Variants in SLC5A10 observed in about 807,000 individuals in gnomAD.
SLC5A10 encodes sodium/mannose cotransporter SLC5A10.
In SLC5A10, 55 loss-of-function variants were observed where a neutral mutation model predicts 68.9. The ratio of observed to expected loss-of-function variants is 0.80; its 90% CI spans 0.64 to 1.00. SLC5A10 has a LOEUF of 1.00. SLC5A10 is among the 50% of genes least tolerant of loss of function. SLC5A10 has a pLI of 0.00. For missense variants in SLC5A10, 732 were observed against 819.3 expected, an observed-to-expected ratio of 0.89 and a Z score of 1.30; for synonymous variants, 344 against 344.8, an observed-to-expected ratio of 1.00 and a Z score of 0.02.
At chr17:18,978,833 G>C in intron 9 of SLC5A10, 1 of 1,612,076 alleles carries the variant, frequency 6.2e-7, no homozygotes, top group Non-Finnish European at 8.5e-7. Context: ...GTCCGTCCGC[G>C]CGGCCGACCA....
chr17:18,976,955 C>G lies in SLC5A10; in HGVS notation c.948C>G (p.Ile316Met). ...AGATGCTCCCCATGGGCCTGATCAT[C>G]ATGCCGGGCATGATCAGCCGCGCAT... is the stretch of plus-strand genomic sequence containing the variant. ...YLKMLPMGLI[I>M]MPGMISRALF... The change falls in exon 9 of 15, where the codon ATC becomes ATG. Residue 316 changes from isoleucine to methionine, a missense_variant. Transcript: ENST00000395645. 2 of 1,613,176 alleles carry G rather than the reference C, an allele frequency of 1.2e-6. No homozygotes were observed. Among genetic ancestry groups the G allele is most frequent in the Non-Finnish European group, 1.7e-6 (2 of 1,179,914 alleles).
intron 9 of SLC5A10, chr17:18,979,733 G>C (rs998825184): frequency 2.1e-5 from 33 of 1,597,266 alleles, no homozygotes; most frequent in Non-Finnish European, 2.6e-5. Context: ...ACAGGGCGAG[G>C]GGAGGACGGC....
At chr17:18,954,711 G>A (rs542570624) in intron 1 of SLC5A10, among the ~76,000 whole-genome samples, 3 of 152,202 alleles carry the variant, frequency 2.0e-5, no homozygotes, top group Non-Finnish European at 4.4e-5. Context: ...TTTGAGCTGA[G>A]CCTTTGCATT....
intron 3 of SLC5A10, 151 bp from the exon 4 acceptor site, chr17:18,959,453 G>A (rs1302459363): frequency 3.2e-6 from 3 of 952,022 alleles, no homozygotes; most frequent in Non-Finnish European, 4.8e-6. Flanking sequence ...ACCTAGAGAG[G>A]GGAAGGAGCC....
Position 19,019,940 on chromosome 17 carries a change from C to T in SLC5A10, c.1626+12C>T, listed in dbSNP as rs2044229166. 6.3e-7 allele frequency: 1 copy of T among 1,587,470 alleles called. No individual in the cohort carries two copies. Among genetic ancestry groups the T allele is most frequent in the African/African-American group, 1.3e-5 (1 of 74,274 alleles). On this transcript the variant is annotated intron_variant, in intron 13 of 14. Coordinates refer to ENST00000395645, the MANE Select transcript of SLC5A10 (RefSeq NM_001042450.4). Reference sequence around the variant, plus strand: ...CACAGAGTGTCCAGGTGAGCCAGCCCTGACCCCTGACCCTGACCCCTAACA... The same window carrying T: ...CACAGAGTGTCCAGGTGAGCCAGCCTTGACCCCTGACCCTGACCCCTAACA...
At chr17:18,983,183 C>G (rs1338793971) in intron 9 of SLC5A10, among the ~76,000 whole-genome samples, 1 of 152,336 alleles carries the variant, frequency 6.6e-6, no homozygotes, top group East Asian at 1.9e-4. Flanking sequence ...TGGGCTGGGC[C>G]GGGACTGAGG....
chr17:18,994,562 C>T (rs1299053228), intron 9 of SLC5A10, among the ~76,000 whole-genome samples: 1 of 152,112 alleles, frequency 6.6e-6, no homozygotes, highest in Non-Finnish European at 1.5e-5. Flanking sequence ...AAAGGGGAGG[C>T]TGAGCAGAGA....
chr17:18,953,958 C>T (rs1265185033), intron 1 of SLC5A10: 3 of 152,206 alleles, frequency 2.0e-5, no homozygotes, highest in Non-Finnish European at 2.9e-5. Context: ...CACAAGTAGC[C>T]CAGTGCTGGC....
chr17:19,012,009 T>C (rs1471121645), intron 9 of SLC5A10, among the ~76,000 whole-genome samples: 1 of 152,090 alleles, frequency 6.6e-6, no homozygotes, highest in African/African-American at 2.4e-5. Context: ...CAACTCTGCC[T>C]GCCCCTAACC....
At chr17:18,960,216 A>G (rs558175009) in intron 4 of SLC5A10, among the ~76,000 whole-genome samples, 1 of 152,224 alleles carries the variant, frequency 6.6e-6, no homozygotes, top group South Asian at 2.1e-4. Flanking sequence ...GCCTCATCAT[A>G]GTGCACCTGG....
rs534885713 is a variant in SLC5A10, at chr17:19,022,348, C to G, written c.*1917C>G. 26 of 437,746 alleles carry G rather than the reference C, an allele frequency of 5.9e-5. No homozygotes were observed. In the South Asian group the frequency reaches 6.1e-4, roughly 10 times the overall value. The allele number at this position is 437,746 out of a possible 1,614,324, so 27.1% of individuals were successfully genotyped here. A position where few individuals can be genotyped will look rare whatever the true frequency, so the allele number is the denominator to read the frequency against. ...CCCCTGCCTGTCTGCTGTGCAGATG[C>G]TGCATCTACATAGAACACGGCTTTC... On this transcript the variant is annotated 3_prime_UTR_variant, in exon 15 of 15. Transcript: ENST00000395645.
chr17:18,975,831 G>A (rs2152006327), intron 8 of SLC5A10: 1 of 152,280 alleles, frequency 6.6e-6, no homozygotes, highest in South Asian at 2.1e-4. Flanking sequence ...AAAAACCATG[G>A]GAACAGTGTA....
At chr17:18,970,942 G>A (rs2042825450) in intron 7 of SLC5A10, 71 bp from the exon 8 acceptor site, 2 of 1,452,868 alleles carry the variant, frequency 1.4e-6, no homozygotes, top group African/African-American at 1.4e-5. Context: ...TGAGATGAAG[G>A]CAGGGGGGAG....
intron 9 of SLC5A10, among the ~76,000 whole-genome samples, chr17:18,981,653 G>T (rs1459468987): frequency 6.6e-6 from 1 of 152,202 alleles, no homozygotes; most frequent in East Asian, 1.9e-4. Flanking sequence ...AGGCAGGCAG[G>T]TGTGGGCCGT....
At chr17:18,982,589 G>C (rs982590047) in intron 9 of SLC5A10, among the ~76,000 whole-genome samples, 2 of 152,202 alleles carry the variant, frequency 1.3e-5, no homozygotes, top group Non-Finnish European at 2.9e-5. Flanking sequence ...CAGGGCAGGG[G>C]AGGACGGCCG....
Position 19,020,996 on chromosome 17 carries a change from C to T in SLC5A10, c.*565C>T, listed in dbSNP as rs1205210028. ...TCACTTTTCCCTCTCCCAAAGGTGCCCAGGCTCTGGGCAGGCCCTGCTCAT... is the reference window on the plus strand; with the variant it reads ...TCACTTTTCCCTCTCCCAAAGGTGCTCAGGCTCTGGGCAGGCCCTGCTCAT... On this transcript the variant is annotated 3_prime_UTR_variant, in exon 15 of 15. Coordinates refer to ENST00000395645, the MANE Select transcript of SLC5A10 (RefSeq NM_001042450.4). 1.3e-5 allele frequency: 2 copies of T among 156,102 alleles called. No individual in the cohort carries two copies. Among genetic ancestry groups the T allele is most frequent in the Admixed American group, 6.2e-5 (1 of 16,156 alleles). The allele number at this position is 156,102 out of a possible 1,614,324, so 9.7% of individuals were successfully genotyped here. A position where few individuals can be genotyped will look rare whatever the true frequency, so the allele number is the denominator to read the frequency against.
chr17:19,019,813 G>C lies in SLC5A10; in HGVS notation c.1511G>C (p.Arg504Pro), dbSNP rs201326457. The C allele has an allele frequency of 6.2e-7, 1 of 1,613,218 alleles. No individual in the cohort carries two copies. Among genetic ancestry groups the C allele is most frequent in the Non-Finnish European group, 8.5e-7 (1 of 1,179,888 alleles). ...PAPPCGEPDT[R>P]PAVLGSIHYL... Reference sequence around the variant, plus strand: ...CCACCGTGCGGAGAGCCAGACACGCGGCCAGCCGTCCTGGGGAGCATCCAC... The same window carrying C: ...CCACCGTGCGGAGAGCCAGACACGCCGCCAGCCGTCCTGGGGAGCATCCAC... Residue 504 changes from arginine to proline, a missense_variant, in exon 13 of 15, where the codon CGG becomes CCG. By Grantham distance (103) the Arg-to-Pro change is moderately radical. Transcript: ENST00000395645.
At chr17:19,013,250 G>A in intron 9 of SLC5A10, 160 bp from the exon 10 acceptor site, 2 of 1,148,382 alleles carry the variant, frequency 1.7e-6, no homozygotes, top group Non-Finnish European at 2.4e-6. Context: ...TGCCCTCCCT[G>A]TGGCTCAGAT....
intron 13 of SLC5A10, 72 bp downstream of exon 13, chr17:19,020,000 C>G: frequency 6.7e-7 from 1 of 1,485,360 alleles, no homozygotes; most frequent in Non-Finnish European, 9.2e-7. Flanking sequence ...ATCCCCGACC[C>G]ACTCTGACTC....
Sources: gnomAD v4.1 joint callset for allele counts (sites outside exome capture counted in the v4.1 genomes callset) on GRCh38, gnomAD v4.1.1 for gene constraint, MANE v1.5 for transcripts, NCBI Gene and HGNC (gene_info 2026-07-23, HGNC 2026-07-21) for gene names.